ZFHX3: variants seen among roughly 807,000 people sequenced by gnomAD.
ZFHX3 encodes zinc finger homeobox 3.
A neutral mutation model predicts 279.1 loss-of-function variants in ZFHX3; 42 were observed. The observed-to-expected ratio is 0.15, with a 90% CI of 0.12 to 0.19. The LOEUF is 0.19. Among genes scored for constraint, ZFHX3 ranks in the 10% least tolerant of loss-of-function variants. The probability of loss-of-function intolerance (pLI) is 1.00; values close to 1 mark genes in which losing one functional copy is unlikely to be tolerated. For synonymous variants in ZFHX3, 2,293 were observed against 1,957.8 expected (o/e 1.17, Z -4.52); for missense variants, 4,981 against 4,754.0 (o/e 1.05, Z -1.40).
chr16:73,731,642 C>T (rs1435107107), intron 1 of ZFHX3, among the ~76,000 whole-genome samples: 20 of 39,050 alleles, frequency 5.1e-4, no homozygotes, highest in Non-Finnish European at 3.5e-4. Context: ...CAATGATGTT[C>T]GGGGTGAAAA....
At chr16:73,307,827 C>T (rs904021190) in intron 4 of ZFHX3, among the ~76,000 whole-genome samples, 5 of 152,044 alleles carry the variant, frequency 3.3e-5, no homozygotes, top group African/African-American at 1.2e-4. Context: ...AAGAAGTATT[C>T]GGCATTATTT....
At chr16:73,778,930 T>C (rs139179224) in intron 1 of ZFHX3, among the ~76,000 whole-genome samples, 47 of 152,326 alleles carry the variant, frequency 3.1e-4, no homozygotes, top group African/African-American at 1.1e-3. Context: ...AATCGTTAAG[T>C]TTCTAAATGG....
chr16:73,873,830 C>A (rs138792446), intron 1 of ZFHX3, among the ~76,000 whole-genome samples: 1 of 152,234 alleles, frequency 6.6e-6, no homozygotes, highest in Non-Finnish European at 1.5e-5. Context: ...AAATGGCAAA[C>A]GGCAAACATC....
intron 4 of ZFHX3, among the ~76,000 whole-genome samples, chr16:73,268,171 CT>C (rs772068952): frequency 3.0e-4 from 46 of 151,694 alleles, no homozygotes; most frequent in South Asian, 2.9e-3. Context: ...TTTTTTTTCC[CT>C]AGACTAGGGT....
chr16:73,589,470 G>A (rs373260887), intron 2 of ZFHX3, among the ~76,000 whole-genome samples: 1 of 148,614 alleles, frequency 6.7e-6, no homozygotes, highest in African/African-American at 2.5e-5. Context: ...GGTGGCTCAC[G>A]CCTGTAATCC....
intron 5 of ZFHX3, among the ~76,000 whole-genome samples, chr16:73,256,038 G>A (rs554600929): frequency 4.6e-5 from 7 of 152,294 alleles, no homozygotes; most frequent in South Asian, 2.1e-4. Flanking sequence ...GCAAAATAGC[G>A]ACGGCAAAGC....
In ZFHX3 at chr16:73,677,212, T is replaced by A. The variant is rs548465178; in HGVS notation, c.-1547+2968A>T. Among the ~76,000 whole-genome samples the A allele has an allele frequency of 3.0e-5, 3 of 100,974 alleles. No individual in the cohort carries two copies. In the East Asian group the frequency reaches 9.0e-4, roughly 30 times the overall value. The allele number at this position is 100,974 out of a possible 152,430, so 66.2% of individuals were successfully genotyped here. A position where few individuals can be genotyped will look rare whatever the true frequency, so the allele number is the denominator to read the frequency against. ...AGGTATATTTTAGGAGGCAATTAAA[T>A]AAAACTGTAAATTAATAATAACATG... On this transcript the variant is annotated intron_variant, in intron 2 of 17. Transcript: ENST00000641206.
chr16:73,707,916 CAGG>C (rs2053320698), intron 1 of ZFHX3, among the ~76,000 whole-genome samples: 2 of 152,080 alleles, frequency 1.3e-5, no homozygotes, highest in African/African-American at 4.8e-5. Context: ...GAGGCACACA[CAGG>C]AGATTTCCAA....
At chr16:73,330,802 A>G (rs1354118171) in intron 3 of ZFHX3, among the ~76,000 whole-genome samples, 1 of 152,218 alleles carries the variant, frequency 6.6e-6, no homozygotes, top group African/African-American at 2.4e-5. Context: ...GGCTTAAGAC[A>G]TGATGATTTT....
chr16:73,310,797 G>T (rs1351507869), intron 4 of ZFHX3, among the ~76,000 whole-genome samples: 2 of 152,042 alleles, frequency 1.3e-5, no homozygotes, highest in African/African-American at 4.8e-5. Context: ...ATGTCCACAG[G>T]ATGTACTTTG....
At chr16:73,801,551 C>T (rs1345392702) in intron 1 of ZFHX3, among the ~76,000 whole-genome samples, 3 of 152,208 alleles carry the variant, frequency 2.0e-5, no homozygotes, top group Admixed American at 6.5e-5. Flanking sequence ...TGAGTTTCGA[C>T]ACTGCTGCTA....
chr16:73,514,817 G>A (rs1043096013), intron 2 of ZFHX3, among the ~76,000 whole-genome samples: 9 of 152,080 alleles, frequency 5.9e-5, no homozygotes, highest in Non-Finnish European at 1.2e-4. Context: ...AGCTTGGTAA[G>A]GTTGTTACGA....
rs773228518 is a variant in ZFHX3 at position 72,793,855 on chromosome 16, G to A, written c.8827C>T (p.Arg2943Trp). 6.2e-6 allele frequency: 10 copies of A among 1,614,004 alleles called. No homozygotes were observed. Among genetic ancestry groups the A allele is most frequent in the Middle Eastern group, 1.6e-4 (1 of 6,084 alleles). The part of the protein sequence containing the change: ...SAGKSGDSGD[R>W]PGQKRFRTQM... ...GTGCGAAAACGTTTCTGCCCAGGCC[G>A]ATCTCCGCTGTCACCAGATTTGCCT... The change falls in exon 9 of 10, where the codon CGG becomes TGG. Residue 2943 changes from arginine (R) to tryptophan (W), a missense_variant. Arg to Trp is a moderately radical substitution (Grantham distance 101). Around this residue, in one of 7 missense-constraint regions of ZFHX3, gnomAD observed 168 missense variants for 249.1 expected, o/e 0.67. Transcript: ENST00000268489. The surrounding 1 kb of genome is among the most constrained non-coding windows in gnomAD (Gnocchi z 4.3).
At chr16:73,164,631 C>G (rs1419935945) in intron 5 of ZFHX3, among the ~76,000 whole-genome samples, 5 of 149,292 alleles carry the variant, frequency 3.3e-5, no homozygotes, top group African/African-American at 1.2e-4. Context: ...ACCGGGGAGG[C>G]AGAGGCTGCA....
chr16:73,851,040 T>C (rs1003522238), intron 1 of ZFHX3, among the ~76,000 whole-genome samples: 2 of 152,350 alleles, frequency 1.3e-5, no homozygotes, highest in Non-Finnish European at 2.9e-5. Flanking sequence ...TATTAAAATA[T>C]ATTGTGATTA....
At chr16:73,634,438 A>T (rs201821688) in intron 2 of ZFHX3, among the ~76,000 whole-genome samples, 1 of 2,928 alleles carries the variant, frequency 3.4e-4, no homozygotes, top group Non-Finnish European at 1.8e-3. Flanking sequence ...TGTATAATAT[A>T]TATATATATA....
intron 4 of ZFHX3, among the ~76,000 whole-genome samples, chr16:72,878,910 C>T (rs752804024): frequency 2.0e-5 from 3 of 152,196 alleles, no homozygotes; most frequent in East Asian, 1.9e-4. Flanking sequence ...ACAGATGGGC[C>T]GCTGCAATGG....
At chr16:73,161,704 G>C (rs1967239400) in intron 5 of ZFHX3, among the ~76,000 whole-genome samples, 1 of 152,128 alleles carries the variant, frequency 6.6e-6, no homozygotes, top group African/African-American at 2.4e-5. Flanking sequence ...TGCTAGGAAG[G>C]CCCAGGAATC....
intron 7 of ZFHX3, among the ~76,000 whole-genome samples, chr16:72,802,249 GTCAA>G (rs1463724561): frequency 5.3e-5 from 8 of 151,852 alleles, no homozygotes. Context: ...AAAGGTTGAA[GTCAA>G]TCAAGTGTGA....
Sources: allele counts gnomAD v4.1 joint callset (sites outside exome capture counted in the v4.1 genomes callset), GRCh38; gene constraint gnomAD v4.1.1; regional missense constraint gnomAD v4.1.1; non-coding constraint Gnocchi (gnomAD v3.1); transcripts MANE v1.5; gene names NCBI Gene and HGNC (gene_info 2026-07-23, HGNC 2026-07-21).